The following CRY2 variants were observed in gnomAD, a reference collection of about 807,000 sequenced individuals.
CRY2 encodes cryptochrome-2.
In CRY2, 31 loss-of-function variants were observed where a neutral mutation model predicts 69.5. The observed-to-expected ratio is 0.45, with a 90% confidence interval of 0.34 to 0.60. The LOEUF (loss-of-function observed/expected upper bound fraction) is 0.60. CRY2 is among the 20% of genes least tolerant of loss of function. The probability of loss-of-function intolerance (pLI) is 0.02; values close to 1 mark genes in which losing one functional copy is unlikely to be tolerated. For missense variants in CRY2, 606 were observed against 797.8 expected, an observed-to-expected ratio of 0.76 and a Z score of 2.90; for synonymous variants, 303 against 312.2, an observed-to-expected ratio of 0.97 and a Z score of 0.31.
intron 2 of CRY2, 81 bp downstream of exon 2, chr11:45,856,171 G>A (rs1047166129): frequency 8.6e-6 from 10 of 1,166,262 alleles, no homozygotes; most frequent in Admixed American, 3.8e-5. Flanking sequence ...ATGATATTCC[G>A]ACTGAGGGAA....
intron 7 of CRY2, 103 bp from the exon 8 acceptor site, chr11:45,869,950 G>A (rs2086363541): frequency 1.3e-6 from 2 of 1,512,638 alleles, no homozygotes; most frequent in Admixed American, 2.0e-5. Context: ...TCTGTGGCTT[G>A]CCTTCAATGG....
At chr11:45,873,506 A>G (rs1024934041) in intron 11 of CRY2, among the ~76,000 whole-genome samples, 2 of 152,178 alleles carry the variant, frequency 1.3e-5, no homozygotes. Flanking sequence ...CTGTATTACA[A>G]ATTTGGAACT....
intron 1 of CRY2, among the ~76,000 whole-genome samples, chr11:45,853,917 C>T (rs564278073): frequency 2.6e-5 from 4 of 152,380 alleles, no homozygotes; most frequent in African/African-American, 9.6e-5. Flanking sequence ...TGTTTGTCTT[C>T]CATCCCAACC....
At chr11:45,872,286 G>C (rs552818791) in intron 11 of CRY2, 53 bp downstream of exon 11, 68 of 1,536,572 alleles carry the variant, frequency 4.4e-5, no homozygotes, top group South Asian at 3.2e-4. Flanking sequence ...GGAGTGGGGG[G>C]GCCTACTGCC....
At chr11:45,870,586 A>G (rs1283696502) in intron 9 of CRY2, 54 bp downstream of exon 9, 13 of 1,589,456 alleles carry the variant, frequency 8.2e-6, no homozygotes, top group African/African-American at 4.0e-5. Flanking sequence ...CTACAGGCTC[A>G]GGGGGCCAGA....
rs747761226 is a variant in CRY2 at position 45,867,707 on chromosome 11, C to T, written c.837C>T (p.Leu279=). 3.7e-6 allele frequency: 6 copies of T among 1,614,136 alleles called. No homozygotes were observed. In the African/African-American group the frequency reaches 8.0e-5, roughly 22 times the overall value. The part of the protein sequence containing the change: ...GLSPYLRFGC[L]SCRLFYYRLW... ...GCCCCTACCTGCGCTTTGGTTGTCTCTCCTGCCGCCTCTTCTACTACCGCC... is the reference window on the plus strand; with the variant it reads ...GCCCCTACCTGCGCTTTGGTTGTCTTTCCTGCCGCCTCTTCTACTACCGCC... The change falls in exon 6 of 12, where the codon CTC becomes CTT. Residue 279 remains leucine (L), a synonymous_variant. Transcript: ENST00000616080.
intron 2 of CRY2, among the ~76,000 whole-genome samples, chr11:45,857,441 A>G (rs7945565): frequency 0.4 from 60,423 of 152,038 alleles, 14,546 homozygotes; most frequent in Middle Eastern, 0.52. Flanking sequence ...TTTCTCCCCC[A>G]GCAACTCAGA....
At chr11:45,868,026 G>GA in intron 6 of CRY2, 1 of 421,718 alleles carries the variant, frequency 2.4e-6, no homozygotes, top group East Asian at 3.8e-5. Context: ...TGTGACCCTA[G>GA]AGGTGGCATA....
In CRY2 at chr11:45,860,931, A is replaced by G; in HGVS notation, c.551A>G (p.Lys184Arg). Residue 184 changes from lysine (K) to arginine (R), a missense_variant, in exon 4 of 12, where the codon AAG becomes AGG. Coordinates refer to ENST00000616080, the MANE Select transcript of CRY2 (RefSeq NM_021117.5). ...AIISRMELPK[K>R]PVGLVTSQQM... is the part of the protein sequence containing the mutation. Reference sequence around the variant, plus strand: ...ATCAGCCGCATGGAGCTGCCCAAGAAGCCAGTGGGCTTGGTGACCAGCCAG... The same window carrying G: ...ATCAGCCGCATGGAGCTGCCCAAGAGGCCAGTGGGCTTGGTGACCAGCCAG... 6.2e-7 allele frequency: 1 copy of G among 1,614,180 alleles called. No individual in the cohort carries two copies.
chr11:45,858,236 G>C (rs2134633499), intron 2 of CRY2: 1 of 153,532 alleles, frequency 6.5e-6, no homozygotes, highest in African/African-American at 2.4e-5. Context: ...TTTGCTATTG[G>C]CCTCAGGAGT....
chr11:45,880,523 C>A (rs768742812), intron 11 of CRY2, among the ~76,000 whole-genome samples: 2 of 152,288 alleles, frequency 1.3e-5, no homozygotes, highest in Non-Finnish European at 2.9e-5. Flanking sequence ...CTCTTCCAGC[C>A]ATTTTTTCCT....
At chr11:45,847,184 C>T (rs1333415126), upstream of CRY2, 12 of 1,548,596 alleles carry the variant, frequency 7.7e-6, no homozygotes, top group South Asian at 7.1e-5. Context: ...TGAGACTTGG[C>T]CTACTCCCGG....
chr11:45,862,225 CT>C, intron 5 of CRY2, 77 bp downstream of exon 5: 1 of 1,362,482 alleles, frequency 7.3e-7, no homozygotes, highest in Non-Finnish European at 1.0e-6. Flanking sequence ...TGTCCATGTC[CT>C]TTAGTCCCTC....
Position 45,870,419 on chromosome 11 carries a change from G to A in CRY2, c.1436G>A (p.Cys479Tyr). 2 of 1,614,244 alleles carry A rather than the reference G, an allele frequency of 1.2e-6. No homozygotes were observed. The highest frequency in any genetic ancestry group is 1.7e-6 in the Non-Finnish European group (2 of 1,180,046). The change falls in exon 9 of 12, where the codon TGC becomes TAC. Residue 479 changes from cysteine to tyrosine, a missense_variant. Cys to Tyr is a radical substitution (Grantham distance 194). Transcript: ENST00000616080. ...APESIQKAAK[C>Y]IIGVDYPRPI... ...GAGTCAATTCAGAAGGCAGCCAAGT[G>A]CATCATTGGTGTGGACTACCCACGG...
At chr11:45,847,461 G>A (rs2086158525), upstream of CRY2, 2 of 1,597,016 alleles carry the variant, frequency 1.3e-6, no homozygotes, top group African/African-American at 1.3e-5. Flanking sequence ...CCGGGGCGGA[G>A]CGGGGGTGGC....
At chr11:45,851,431 C>A (rs2086198687) in intron 1 of CRY2, among the ~76,000 whole-genome samples, 2 of 152,148 alleles carry the variant, frequency 1.3e-5, no homozygotes. Context: ...TGTCTCTCTT[C>A]CCAGATGCTG....
intron 1 of CRY2, among the ~76,000 whole-genome samples, chr11:45,850,733 TAA>T (rs1202501244): frequency 6.6e-6 from 1 of 152,102 alleles, no homozygotes; most frequent in African/African-American, 2.4e-5. Flanking sequence ...TGCAACTGCT[TAA>T]GTTGTCTCTG....
At chr11:45,851,112 T>C (rs1469428134) in intron 1 of CRY2, among the ~76,000 whole-genome samples, 1 of 151,802 alleles carries the variant, frequency 6.6e-6, no homozygotes, top group East Asian at 1.9e-4. Flanking sequence ...TTGCTACATC[T>C]AGAAGGAGGT....
At chr11:45,867,836 TG>T in intron 6 of CRY2, 84 bp downstream of exon 6, 1 of 1,581,570 alleles carries the variant, frequency 6.3e-7, no homozygotes, top group Non-Finnish European at 8.6e-7. Context: ...AAAAAGGCAC[TG>T]GTGGGTGGGG....
Sources: gnomAD v4.1 joint callset for allele counts (sites outside exome capture counted in the v4.1 genomes callset) on GRCh38, gnomAD v4.1.1 for gene constraint, MANE v1.5 for transcripts, NCBI Gene and HGNC (gene_info 2026-07-23, HGNC 2026-07-21) for gene names.